PPP1R17: variants seen among roughly 807,000 people sequenced by gnomAD.
PPP1R17 encodes the protein protein phosphatase 1 regulatory subunit 17, also known as G-substrate.
PPP1R17 carries 12 observed loss-of-function variants against 15.9 expected under a neutral mutation model. The observed-to-expected ratio is 0.75, with a 90% CI of 0.48 to 1.22. PPP1R17 has a LOEUF of 1.22. Among genes scored for constraint, PPP1R17 ranks in the 50% most tolerant of loss-of-function variants. PPP1R17 has a pLI of 0.00. For synonymous variants in PPP1R17, 63 were observed against 64.5 expected (o/e 0.98, Z 0.11); for missense variants, 211 against 187.3 (o/e 1.13, Z -0.74).
intron 4 of PPP1R17, among the ~76,000 whole-genome samples, chr7:31,705,624 C>G (rs1793033256): frequency 6.6e-6 from 1 of 152,186 alleles, no homozygotes; most frequent in Admixed American, 6.5e-5. Context: ...AAGATCAACA[C>G]ATAGTTTTCA....
rs1397754746 is a variant in PPP1R17, at chr7:31,707,708, TAG to T, written c.*430_*431del. The T allele has an allele frequency of 2.4e-5, 4 of 165,940 alleles. No homozygotes were observed. Among genetic ancestry groups the T allele is most frequent in the African/African-American group, 7.2e-5 (3 of 41,720 alleles). 10.3% of individuals were successfully genotyped at this position (165,940 alleles called of 1,614,324 possible). A position where few individuals can be genotyped will look rare whatever the true frequency, so the allele number is the denominator to read the frequency against. Reference sequence around the variant, plus strand: ...CCAAGTGGGGTTCCCTGTTGCCAGTTAGAGAGGTGAGAATGTTTGGACTCTAA... The same window carrying T: ...CCAAGTGGGGTTCCCTGTTGCCAGTTAGAGGTGAGAATGTTTGGACTCTAA... On this transcript the variant is annotated 3_prime_UTR_variant, in exon 5 of 5. Coordinates refer to ENST00000342032, the MANE Select transcript of PPP1R17 (RefSeq NM_006658.5).
intron 1 of PPP1R17, 36 bp downstream of exon 1, chr7:31,687,342 T>A (rs1425336839): frequency 6.6e-6 from 1 of 152,284 alleles, no homozygotes; most frequent in East Asian, 1.9e-4. Flanking sequence ...AGAACTTTTG[T>A]GGTGAGAAAA....
chr7:31,705,681 T>C lies in PPP1R17; in HGVS notation c.389-1523T>C, dbSNP rs576269124. On this transcript the variant is annotated intron_variant, in intron 4 of 4. Transcript: ENST00000342032. ...GAGTCCAGTGTGGTAGAAAGGCCTC[T>C]TGTGGTGCACAGCTTCTCTTTCTCA... Among the ~76,000 whole-genome samples, 97 of 152,304 alleles carry C rather than the reference T, an allele frequency of 6.4e-4. 2 individuals are homozygous for C. In the South Asian group the frequency reaches 0.019, roughly 31 times the overall value.
At position 31,695,534 on chromosome 7, in the gene PPP1R17, G is replaced by A; in HGVS notation, c.148G>A (p.Val50Ile). ...AAAGAAGCCTAGAAAGGGAAAAAAT[G>A]TACAGGCCACCCTGAATGTTGAGTC... ...LKKKPRKGKN[V>I]QATLNVESDQ... Residue 50 changes from valine to isoleucine, a missense_variant, in exon 3 of 5, where the codon GTA (valine) becomes ATA (isoleucine). Physicochemically the swap from Val to Ile is conservative, Grantham distance 29 (BLOSUM62 3). Coordinates refer to ENST00000342032, the MANE Select transcript of PPP1R17 (RefSeq NM_006658.5). 1.2e-6 allele frequency: 2 copies of A among 1,613,888 alleles called. No homozygotes were observed. Among genetic ancestry groups the A allele is most frequent in the Non-Finnish European group, 1.7e-6 (2 of 1,179,912 alleles).
intron 2 of PPP1R17, 135 bp downstream of exon 2, chr7:31,692,658 C>A: frequency 1.3e-6 from 1 of 742,158 alleles, no homozygotes; most frequent in Non-Finnish European, 2.2e-6. Context: ...TGACAGCCAA[C>A]ACCAGATGGG....
chr7:31,691,428 A>G (rs1220998946), intron 1 of PPP1R17, among the ~76,000 whole-genome samples: 2 of 152,228 alleles, frequency 1.3e-5, no homozygotes, highest in African/African-American at 2.4e-5. Context: ...CACTCTTGCT[A>G]TAGTAGGACA....
intron 1 of PPP1R17, among the ~76,000 whole-genome samples, chr7:31,689,840 AT>A (rs1372459268): frequency 6.6e-6 from 1 of 152,204 alleles, no homozygotes; most frequent in Non-Finnish European, 1.5e-5. Flanking sequence ...CCTGCACGGC[AT>A]GGGATATTCT....
chr7:31,689,726 C>T (rs541536882), intron 1 of PPP1R17, among the ~76,000 whole-genome samples: 2 of 152,160 alleles, frequency 1.3e-5, no homozygotes, highest in South Asian at 4.1e-4. Context: ...TCTTTCCCCT[C>T]CACTTGCTTG....
At chr7:31,697,836 A>T (rs1792664860) in intron 4 of PPP1R17, among the ~76,000 whole-genome samples, 1 of 152,234 alleles carries the variant, frequency 6.6e-6, no homozygotes, top group Non-Finnish European at 1.5e-5. Flanking sequence ...TTAACTGACT[A>T]ATATAATAGA....
chr7:31,691,807 A>C (rs892011747), intron 1 of PPP1R17, among the ~76,000 whole-genome samples: 1 of 150,792 alleles, frequency 6.6e-6, no homozygotes, highest in African/African-American at 2.4e-5. Flanking sequence ...TAAAAAAAAA[A>C]AAAAAAAAAA....
intron 4 of PPP1R17, among the ~76,000 whole-genome samples, chr7:31,702,526 A>G (rs766020365): frequency 1.2e-4 from 19 of 152,218 alleles, no homozygotes; most frequent in Non-Finnish European, 2.2e-4. Context: ...AGCCTCTGCT[A>G]TCAGACCCCT....
At chr7:31,687,837 C>A (rs2128236157) in intron 1 of PPP1R17, among the ~76,000 whole-genome samples, 1 of 152,310 alleles carries the variant, frequency 6.6e-6, no homozygotes, top group East Asian at 1.9e-4. Context: ...GCTGTGGATA[C>A]AACCTTCTAC....
chr7:31,689,156 A>G (rs1792229074), intron 1 of PPP1R17, among the ~76,000 whole-genome samples: 1 of 152,204 alleles, frequency 6.6e-6, no homozygotes, highest in African/African-American at 2.4e-5. Context: ...TGGGTGGCCA[A>G]TATTGCAATG....
At chr7:31,703,167 T>A (rs559830321) in intron 4 of PPP1R17, among the ~76,000 whole-genome samples, 1 of 152,370 alleles carries the variant, frequency 6.6e-6, no homozygotes, top group East Asian at 1.9e-4. Context: ...CTCTTGGCTA[T>A]CAAAAACTCT....
chr7:31,703,144 C>T (rs147602715), intron 4 of PPP1R17, among the ~76,000 whole-genome samples: 2 of 152,320 alleles, frequency 1.3e-5, no homozygotes, highest in East Asian at 3.9e-4. Flanking sequence ...AGTACATAAA[C>T]TACTTGGCAG....
At chr7:31,702,436 C>T (rs12534672) in intron 4 of PPP1R17, among the ~76,000 whole-genome samples, 16,333 of 152,128 alleles carry the variant, frequency 0.11, 1,012 homozygotes, top group East Asian at 0.23. Context: ...CTAGGTTAAT[C>T]CTCTACTCCA....
rs1250440023 is a variant in PPP1R17 at position 31,694,380 on chromosome 7, T to TCAAACACACACACA, written c.83-1088_83-1087insAAACACACACACAC. ...ATTAACAATTTTAGCTCTCTCTCTC[T>TCAAACACACACACA]CTCTCAAACACACACACACACACAC... On this transcript the variant is annotated intron_variant, in intron 2 of 4. Coordinates refer to ENST00000342032, the MANE Select transcript of PPP1R17 (RefSeq NM_006658.5). 4.0e-3 allele frequency among the ~76,000 whole-genome samples: 441 copies of TCAAACACACACACA among 109,152 alleles called. 1 individual carries two copies. Among genetic ancestry groups the TCAAACACACACACA allele is most frequent in the African/African-American group, 0.015 (397 of 25,902 alleles). 71.6% of individuals were successfully genotyped at this position (109,152 alleles called of 152,430 possible). A position where few individuals can be genotyped will look rare whatever the true frequency, so the allele number is the denominator to read the frequency against.
At chr7:31,690,313 T>C (rs892401649) in intron 1 of PPP1R17, among the ~76,000 whole-genome samples, 3 of 152,266 alleles carry the variant, frequency 2.0e-5, no homozygotes, top group African/African-American at 7.2e-5. Flanking sequence ...CATGCAGCTA[T>C]GCTATTTCAT....
intron 4 of PPP1R17, among the ~76,000 whole-genome samples, chr7:31,704,301 C>T (rs1007073251): frequency 3.3e-5 from 5 of 151,990 alleles, no homozygotes; most frequent in East Asian, 1.9e-4. Context: ...TCCCTGAGAC[C>T]GCAATGTAAT....
Sources: allele counts gnomAD v4.1 joint callset (sites outside exome capture counted in the v4.1 genomes callset), GRCh38; gene constraint gnomAD v4.1.1; transcripts MANE v1.5; gene names NCBI Gene and HGNC (gene_info 2026-07-23, HGNC 2026-07-21).